ATP2B2: variants seen among roughly 807,000 people sequenced by gnomAD.
ATP2B2 encodes plasma membrane calcium-transporting ATPase 2.
ATP2B2 carries 15 observed loss-of-function variants against 120.0 expected under a neutral mutation model. The ratio of observed to expected loss-of-function variants is 0.12; its 90% CI spans 0.08 to 0.19. The LOEUF (loss-of-function observed/expected upper bound fraction) is 0.19. Ranked by LOEUF, ATP2B2 falls within the 10% of genes least tolerant of loss-of-function variation. The probability of loss-of-function intolerance (pLI) is 1.00; values close to 1 mark genes in which losing one functional copy is unlikely to be tolerated. For synonymous variants in ATP2B2, 694 were observed against 700.3 expected, an observed-to-expected ratio of 0.99 and a Z score of 0.14; for missense variants, 1,045 against 1,719.8, an observed-to-expected ratio of 0.61 and a Z score of 6.94.
intron 22 of ATP2B2, among the ~76,000 whole-genome samples, chr3:10,335,492 C>A (rs1195486162): frequency 6.6e-6 from 1 of 152,182 alleles, no homozygotes. Flanking sequence ...CTGACTATGA[C>A]CTCTGACCTG....
At chr3:10,508,641 C>T (rs1172818683), upstream of ATP2B2, among the ~76,000 whole-genome samples, 1 of 152,220 alleles carries the variant, frequency 6.6e-6, no homozygotes, top group Non-Finnish European at 1.5e-5. Context: ...TGTCCCTTGC[C>T]CCGTCCCCTT....
At chr3:10,617,805 G>C (rs1447673082) in intron 2 of ATP2B2, among the ~76,000 whole-genome samples, 1 of 152,192 alleles carries the variant, frequency 6.6e-6, no homozygotes, top group Non-Finnish European at 1.5e-5. Context: ...GAGTGTGCAG[G>C]ACCAGGAAGA....
intron 5 of ATP2B2, among the ~76,000 whole-genome samples, chr3:10,397,086 C>T (rs1243763584): frequency 6.6e-6 from 1 of 152,184 alleles, no homozygotes; most frequent in Non-Finnish European, 1.5e-5. Flanking sequence ...TGCCTGAGGC[C>T]ACACAGCAAG....
intron 1 of ATP2B2, among the ~76,000 whole-genome samples, chr3:10,676,368 T>C (rs1575614022): frequency 6.6e-6 from 1 of 152,286 alleles, no homozygotes; most frequent in East Asian, 1.9e-4. Context: ...CACAGTGGTC[T>C]AGCCTCAGAC....
At chr3:10,410,847 G>C (rs779698305) in intron 2 of ATP2B2, 32 bp from the exon 3 acceptor site, 1 of 1,607,990 alleles carries the variant, frequency 6.2e-7, no homozygotes, top group Admixed American at 1.7e-5. Context: ...GTTGGCTGGG[G>C]GCCTGGGAGA....
chr3:10,362,878 A>G (rs2060942300), intron 12 of ATP2B2, among the ~76,000 whole-genome samples: 1 of 152,196 alleles, frequency 6.6e-6, no homozygotes, highest in Non-Finnish European at 1.5e-5. Flanking sequence ...ATATATATAT[A>G]TATCTCACAC....
chr3:10,675,622 G>T (rs546988361), intron 1 of ATP2B2, among the ~76,000 whole-genome samples: 5 of 152,242 alleles, frequency 3.3e-5, no homozygotes, highest in African/African-American at 1.2e-4. Context: ...CCTGTGACTT[G>T]TCCCTGGCTT....
chr3:10,659,674 T>A (rs1289855020), intron 1 of ATP2B2, among the ~76,000 whole-genome samples: 1 of 152,120 alleles, frequency 6.6e-6, no homozygotes. Context: ...CTGTCAACAT[T>A]AGACAGATCA....
intron 2 of ATP2B2, among the ~76,000 whole-genome samples, chr3:10,428,307 G>T (rs1438233832): frequency 1.3e-5 from 2 of 152,236 alleles, no homozygotes; most frequent in Admixed American, 1.3e-4. Flanking sequence ...CACAACTATG[G>T]TCATAAAAGG....
chr3:10,415,509 G>A (rs1252766416), intron 2 of ATP2B2, among the ~76,000 whole-genome samples: 1 of 152,216 alleles, frequency 6.6e-6, no homozygotes, highest in Non-Finnish European at 1.5e-5. Context: ...TGGAAGGCTA[G>A]GGCTGGTGGC....
At chr3:10,590,323 C>T (rs567778857) in intron 2 of ATP2B2, among the ~76,000 whole-genome samples, 70 of 152,324 alleles carry the variant, frequency 4.6e-4, no homozygotes, top group Middle Eastern at 3.4e-3. Context: ...AATGGAACTG[C>T]TCTGTGCCTT....
intron 3 of ATP2B2, among the ~76,000 whole-genome samples, chr3:10,517,532 T>C (rs1575449121): frequency 6.6e-6 from 1 of 152,344 alleles, no homozygotes; most frequent in Non-Finnish European, 1.5e-5. Flanking sequence ...ACTCATTTAA[T>C]GAATATCCAC....
intron 2 of ATP2B2, among the ~76,000 whole-genome samples, chr3:10,417,091 C>G (rs572071062): frequency 7.2e-6 from 1 of 139,132 alleles, no homozygotes; most frequent in Non-Finnish European, 1.5e-5. Flanking sequence ...GGCAGAGGGG[C>G]TCCTCATTTC....
rs1169995849 is a variant in ATP2B2, at chr3:10,378,420, G to A, written c.1043-10C>T. Reference sequence around the variant, plus strand: ...CCGTCCTGTTGTTTGGCTGCAGGGGGCAGATCACGCACGTGCATACACACA... The same window carrying A: ...CCGTCCTGTTGTTTGGCTGCAGGGGACAGATCACGCACGTGCATACACACA... On this transcript the variant is annotated splice_polypyrimidine_tract_variant and intron_variant, in intron 9 of 22. Coordinates refer to ENST00000360273, the MANE Select transcript of ATP2B2 (RefSeq NM_001001331.4). The A allele has an allele frequency of 9.4e-6, 15 of 1,599,970 alleles. No homozygotes were observed. The highest frequency in any genetic ancestry group is 1.1e-5 in the Non-Finnish European group (13 of 1,179,962).
At chr3:10,489,370 C>T (rs2065849973) in intron 1 of ATP2B2, among the ~76,000 whole-genome samples, 1 of 152,188 alleles carries the variant, frequency 6.6e-6, no homozygotes, top group African/African-American at 2.4e-5. Flanking sequence ...ACACAGTAGG[C>T]CCCCAGACAG....
At chr3:10,390,454 G>A (rs923707915) in intron 5 of ATP2B2, among the ~76,000 whole-genome samples, 4 of 145,098 alleles carry the variant, frequency 2.8e-5, no homozygotes, top group Non-Finnish European at 4.6e-5. Flanking sequence ...GTGATATCCC[G>A]ATGTTGTGTG....
chr3:10,437,349 C>A (rs1197628379), intron 2 of ATP2B2, among the ~76,000 whole-genome samples: 1 of 152,172 alleles, frequency 6.6e-6, no homozygotes, highest in Non-Finnish European at 1.5e-5. Context: ...CACATCAGCT[C>A]ATTTATTACT....
At chr3:10,400,397 T>C (rs568649953) in intron 5 of ATP2B2, among the ~76,000 whole-genome samples, 2 of 152,362 alleles carry the variant, frequency 1.3e-5, no homozygotes, top group East Asian at 3.9e-4. Flanking sequence ...CTTCCTCAGA[T>C]AGTCACAAGG....
intron 1 of ATP2B2, among the ~76,000 whole-genome samples, chr3:10,504,664 TCAGGGAGTCCTGAGG>T (rs1575430344): frequency 1.3e-5 from 2 of 151,602 alleles, no homozygotes; most frequent in East Asian, 3.9e-4. Flanking sequence ...CAACCCACCC[TCAGGGAGTCCTGAGG>T]CCCCCTGCTG....
Sources: gnomAD v4.1 joint callset for allele counts (sites outside exome capture counted in the v4.1 genomes callset) on GRCh38, gnomAD v4.1.1 for gene constraint, MANE v1.5 for transcripts, NCBI Gene and HGNC (gene_info 2026-07-23, HGNC 2026-07-21) for gene names.